Variants in NBPF9 observed in about 807,000 individuals in gnomAD.
The protein encoded by NBPF9 is NBPF member 9.
NBPF9 carries 91 observed loss-of-function variants against 97.8 expected under a neutral mutation model. The observed-to-expected ratio is 0.93, with a 90% CI of 0.79 to 1.11. The LOEUF (loss-of-function observed/expected upper bound fraction) is 1.11. NBPF9 is among the 50% of genes least tolerant of loss of function. The pLI, the probability that NBPF9 is intolerant of heterozygous loss-of-function variation, is 0.00. For missense variants in NBPF9, 992 were observed against 939.5 expected, an observed-to-expected ratio of 1.06 and a Z score of -0.73; for synonymous variants, 334 against 359.5, an observed-to-expected ratio of 0.93 and a Z score of 0.80.
chr1:149,055,515 G>C lies in NBPF9; in HGVS notation c.*141C>G, dbSNP rs879985191. 145 of 1,541,630 alleles carry C rather than the reference G, an allele frequency of 9.4e-5. No homozygotes were observed. The African/African-American group carries it at 1.3e-3, about 14-fold the overall frequency. On this transcript the variant is annotated 3_prime_UTR_variant, in exon 30 of 30. Transcript: ENST00000584027. ...CTGAGCACAGGTTGCCACTGGCATG[G>C]TTTGAGAATAGGAATAGAGCCATGC... is the stretch of plus-strand genomic sequence containing the variant.
chr1:149,089,102 A>C (rs2081239059), intron 5 of NBPF9, among the ~76,000 whole-genome samples: 1 of 151,404 alleles, frequency 6.6e-6, no homozygotes, highest in East Asian at 2.0e-4. Flanking sequence ...CCTGTCCTCT[A>C]CTCTTCCAGA....
rs1173514535 is a variant in NBPF9, at chr1:149,095,426, C to T, written c.-337+3012G>A. On this transcript the variant is annotated intron_variant, in intron 4 of 29. Transcript: ENST00000584027. The stretch of plus-strand genomic sequence containing the variant: ...CAATGATGGCTTCTTAGATACAAAA[C>T]CAAAAGCACAATCTACTAATGAAAA... Among the ~76,000 whole-genome samples, 45 of 142,540 alleles carry T rather than the reference C, an allele frequency of 3.2e-4. 1 individual carries two copies. In the South Asian group the frequency reaches 4.8e-3, roughly 15 times the overall value. 93.5% of individuals were successfully genotyped at this position (142,540 alleles called of 152,430 possible).
chr1:149,084,628 G>A (rs587652142), intron 5 of NBPF9, among the ~76,000 whole-genome samples: 2 of 151,086 alleles, frequency 1.3e-5, no homozygotes, highest in African/African-American at 2.4e-5. Context: ...CTACAGCCTC[G>A]TGGCGGACGG....
chr1:149,074,020 G>C lies in NBPF9; in HGVS notation c.989-150C>G, dbSNP rs2079639302. 8 of 593,046 alleles carry C rather than the reference G, an allele frequency of 1.3e-5. No homozygotes were observed. The South Asian group carries it at 1.6e-4, about 12-fold the overall frequency. 36.7% of individuals were successfully genotyped at this position (593,046 alleles called of 1,614,324 possible). On this transcript the variant is annotated intron_variant, in intron 12 of 29. Transcript: ENST00000584027. Reference sequence around the variant, plus strand: ...GGGATTTCCACATCTTTACTCTTCAGTCTCCTGACTTTCTGGCATCTGATC... The same window carrying C: ...GGGATTTCCACATCTTTACTCTTCACTCTCCTGACTTTCTGGCATCTGATC...
In NBPF9 at chr1:149,055,707, C is replaced by A. The variant is rs587704710; in HGVS notation, c.3285G>T (p.Thr1095=). 146 of 1,611,866 alleles carry A rather than the reference C, an allele frequency of 9.1e-5. No individual in the cohort carries two copies. In the East Asian group the frequency reaches 2.8e-3, roughly 31 times the overall value. The change falls in exon 30 of 30, where the codon ACG becomes ACT. Residue 1095 remains threonine (T), a synonymous_variant. Transcript: ENST00000584027. ...GGAACACCAGGTGGAGACTTGTCACCGTCAAAGTAAAAAACCTATTGTCCA... is the reference window on the plus strand; with the variant it reads ...GGAACACCAGGTGGAGACTTGTCACAGTCAAAGTAAAAAACCTATTGTCCA...
chr1:149,081,396 G>A (rs1224404501), intron 7 of NBPF9, among the ~76,000 whole-genome samples: 2 of 151,416 alleles, frequency 1.3e-5, no homozygotes, highest in African/African-American at 2.4e-5. Flanking sequence ...GAGATTACAG[G>A]AGTGAGCCAC....
chr1:149,097,635 G>A (rs377006854), intron 4 of NBPF9, among the ~76,000 whole-genome samples: 51 of 151,088 alleles, frequency 3.4e-4, no homozygotes, highest in African/African-American at 9.5e-4. Context: ...GGCCACGTGA[G>A]AAGGATACAA....
At position 149,073,760 on chromosome 1, in the gene NBPF9, C is replaced by G. The variant is rs1304796832; in HGVS notation, c.1091+8G>C. On this transcript the variant is annotated splice_region_variant and intron_variant, in intron 13 of 29. Coordinates refer to ENST00000584027, the Ensembl canonical transcript of NBPF9. ...GCCCCCCTGCCTGCCCCCATGGGGT[C>G]CCCTCACCTGAGCTCCTCAGCTTGC... 2.5e-6 allele frequency: 4 copies of G among 1,580,048 alleles called. No individual in the cohort carries two copies. In the South Asian group the frequency reaches 3.3e-5, roughly 13 times the overall value.
intron 3 of NBPF9, among the ~76,000 whole-genome samples, chr1:149,099,828 G>A (rs1173850636): frequency 1.3e-4 from 19 of 151,372 alleles, no homozygotes; most frequent in Admixed American, 1.2e-3. Flanking sequence ...ACAAAAAATA[G>A]AAAATTAGCC....
intron 29 of NBPF9, among the ~76,000 whole-genome samples, chr1:149,056,125 G>C (rs1455952847): frequency 2.6e-5 from 4 of 152,054 alleles, no homozygotes; most frequent in Non-Finnish European, 4.4e-5. Context: ...CAGAGACAGA[G>C]AGAAAGTGAG....
intron 5 of NBPF9, among the ~76,000 whole-genome samples, chr1:149,088,000 T>G (rs2081151712): frequency 6.6e-6 from 1 of 151,184 alleles, no homozygotes; most frequent in Non-Finnish European, 1.5e-5. Context: ...CCTAGCTAAT[T>G]TTTTGTATTT....
chr1:149,100,969 A>G (rs2082108289), intron 3 of NBPF9, among the ~76,000 whole-genome samples: 1 of 152,002 alleles, frequency 6.6e-6, no homozygotes, highest in African/African-American at 2.4e-5. Flanking sequence ...CTAAAATAAA[A>G]TTGCTATAAG....
intron 19 of NBPF9, among the ~76,000 whole-genome samples, 188 bp from the exon 20 acceptor site, chr1:149,063,993 G>GACACAC (rs67607610): frequency 0.081 from 8,666 of 106,442 alleles, 1,456 homozygotes; most frequent in East Asian, 0.5. Flanking sequence ...GAAAGAGAAA[G>GACACAC]ACACACACAC....
At chr1:149,058,743 T>G in intron 26 of NBPF9, 182 bp downstream of exon 26, 1 of 554,068 alleles carries the variant, frequency 1.8e-6, no homozygotes, top group Non-Finnish European at 3.2e-6. Context: ...CCTTGCTCAC[T>G]GACCCATTTC....
chr1:149,055,704 C>T, exon 30 of NBPF9: 1 of 1,611,910 alleles, frequency 6.2e-7, no homozygotes, highest in South Asian at 1.1e-5. Flanking sequence ...GGAGACTTGT[C>T]ACCGTCAAAG....
chr1:149,075,672 T>C, exon 12 of NBPF9: 1 of 1,610,180 alleles, frequency 6.2e-7, no homozygotes, highest in Non-Finnish European at 8.5e-7. Context: ...GTTCTGCTGG[T>C]TGGCCAGGAA....
intron 21 of NBPF9, 101 bp from the exon 22 acceptor site, chr1:149,062,366 A>G: frequency 6.2e-6 from 4 of 650,196 alleles, no homozygotes; most frequent in Non-Finnish European, 1.1e-5. Flanking sequence ...TTTAAAAAGA[A>G]AAAGGACAGA....
At chr1:149,080,638 G>C (rs2080347550) in intron 7 of NBPF9, among the ~76,000 whole-genome samples, 1 of 150,958 alleles carries the variant, frequency 6.6e-6, no homozygotes, top group African/African-American at 2.4e-5. Context: ...TCAATATTCA[G>C]ATATGGTTTT....
chr1:149,082,952 C>CTTTTT (rs1175496893), intron 5 of NBPF9, among the ~76,000 whole-genome samples: 4 of 60,982 alleles, frequency 6.6e-5, no homozygotes, highest in Admixed American at 1.9e-4. Context: ...GCTAATTTTT[C>CTTTTT]TTTTCTTTTT....
Sources: gnomAD v4.1 joint callset for allele counts (sites outside exome capture counted in the v4.1 genomes callset) on GRCh38, gnomAD v4.1.1 for gene constraint, MANE v1.5 for transcripts, NCBI Gene and HGNC (gene_info 2026-07-23, HGNC 2026-07-21) for gene names.